Variants in DCP1B observed in about 807,000 individuals in gnomAD.
DCP1B encodes decapping mRNA 1B.
Under a neutral mutation model 60.5 loss-of-function variants are expected in DCP1B, and 47 were observed. The ratio of observed to expected loss-of-function variants is 0.78; its 90% CI spans 0.61 to 0.99. The LOEUF is 0.99. Ranked by LOEUF, DCP1B falls within the 50% of genes least tolerant of loss-of-function variation. DCP1B has a pLI of 0.00. For missense variants in DCP1B, 725 were observed against 756.8 expected, an observed-to-expected ratio of 0.96 and a Z score of 0.49; for synonymous variants, 267 against 280.3, an observed-to-expected ratio of 0.95 and a Z score of 0.47.
chr12:1,975,283 T>G (rs1266430418), intron 3 of DCP1B, among the ~76,000 whole-genome samples: 2 of 152,186 alleles, frequency 1.3e-5, no homozygotes, highest in African/African-American at 4.8e-5. Flanking sequence ...ATAAGGTAAT[T>G]CTAATACAAG....
At chr12:1,993,444 C>T in intron 2 of DCP1B, 53 bp from the exon 3 acceptor site, 1 of 1,582,486 alleles carries the variant, frequency 6.3e-7, no homozygotes, top group Non-Finnish European at 8.6e-7. Context: ...GCTTAGTATG[C>T]TATATTTTCA....
chr12:1,953,310 G>T (rs774742928), intron 6 of DCP1B, 22 bp from the exon 7 acceptor site: 2 of 1,540,096 alleles, frequency 1.3e-6, no homozygotes, highest in Non-Finnish European at 1.7e-6. Context: ...AAAGATATCT[G>T]ACATGAGTCT....
At position 1,994,669 on chromosome 12, in the gene DCP1B, G is replaced by A. The variant is rs528361552; in HGVS notation, c.192-1278C>T. On this transcript the variant is annotated intron_variant, in intron 2 of 8. Transcript: ENST00000280665. ...CTCTCTATTACAGAAAGGAAGGCAT[G>A]GGAGGAAATAAATGATTTTTTAAAT... 4.1e-4 allele frequency among the ~76,000 whole-genome samples: 62 copies of A among 152,286 alleles called. 1 individual carries two copies. Among genetic ancestry groups the A allele is most frequent in the Admixed American group, 2.9e-3 (44 of 15,298 alleles).
chr12:1,975,025 C>T (rs1169715151), intron 3 of DCP1B, among the ~76,000 whole-genome samples: 1 of 152,110 alleles, frequency 6.6e-6, no homozygotes. Context: ...AATAGCCTAA[C>T]TATAAAACAC....
At chr12:1,954,702 C>G (rs1475511420) in intron 6 of DCP1B, among the ~76,000 whole-genome samples, 2 of 152,186 alleles carry the variant, frequency 1.3e-5, no homozygotes, top group East Asian at 1.9e-4. Context: ...AGCTCTGCAT[C>G]TGGCACAGAG....
Position 1,955,490 on chromosome 12 carries a change from T to C in DCP1B, c.593A>G (p.Lys198Arg). 6.2e-7 allele frequency: 1 copy of C among 1,614,044 alleles called. No homozygotes were observed. Among genetic ancestry groups the C allele is most frequent in the Non-Finnish European group, 8.5e-7 (1 of 1,179,902 alleles). ...SAIYDNPNLI[K>R]PIPVKPSENQ... ...TTCACTGGGTTTCACTGGAATTGGT[T>C]TGATGAGATTTGGATTGTCATAGAT... The change falls in exon 6 of 9, where the codon AAA becomes AGA. Residue 198 changes from lysine (K) to arginine (R), a missense_variant. Transcript: ENST00000280665.
At chr12:1,976,012 T>C (rs1432871046) in intron 3 of DCP1B, among the ~76,000 whole-genome samples, 4 of 152,126 alleles carry the variant, frequency 2.6e-5, no homozygotes, top group Admixed American at 6.6e-5. Flanking sequence ...CACAGAAAAA[T>C]AGAAATACGA....
At chr12:1,998,223 CA>C (rs770926102) in intron 1 of DCP1B, among the ~76,000 whole-genome samples, 2 of 152,170 alleles carry the variant, frequency 1.3e-5, no homozygotes, top group Non-Finnish European at 2.9e-5. Context: ...CTCTCTTTAC[CA>C]AATACAGGGA....
chr12:1,958,874 A>G, intron 5 of DCP1B, among the ~76,000 whole-genome samples: 1 of 75,034 alleles, frequency 1.3e-5, no homozygotes. Flanking sequence ...CTTTTTCTAT[A>G]AACCTCCTGG....
At chr12:1,967,188 G>C (rs1423538430) in intron 4 of DCP1B, among the ~76,000 whole-genome samples, 1 of 152,234 alleles carries the variant, frequency 6.6e-6, no homozygotes, top group African/African-American at 2.4e-5. Flanking sequence ...GAAGCCAAGA[G>C]TGGGAAAGTC....
At chr12:1,986,401 G>C (rs2037800498) in intron 3 of DCP1B, among the ~76,000 whole-genome samples, 1 of 152,138 alleles carries the variant, frequency 6.6e-6, no homozygotes, top group Non-Finnish European at 1.5e-5. Context: ...CAGGGTTTTA[G>C]ACTCTCACAC....
chr12:1,955,379 T>C, intron 6 of DCP1B, 53 bp downstream of exon 6: 1 of 1,563,822 alleles, frequency 6.4e-7, no homozygotes, highest in Non-Finnish European at 8.7e-7. Flanking sequence ...TGGGTCAAAG[T>C]TCTTTAAGAA....
At chr12:1,966,438 T>C (rs949994445) in intron 4 of DCP1B, among the ~76,000 whole-genome samples, 4 of 152,258 alleles carry the variant, frequency 2.6e-5, no homozygotes, top group African/African-American at 4.8e-5. Flanking sequence ...TTTCCCTTTA[T>C]GTGCTGTAAC....
chr12:1,978,287 T>C (rs1463352817), intron 3 of DCP1B, among the ~76,000 whole-genome samples: 2 of 152,228 alleles, frequency 1.3e-5, no homozygotes, highest in African/African-American at 2.4e-5. Flanking sequence ...TTTGGTATTA[T>C]GTTGGTTTAA....
At chr12:1,991,390 A>G (rs1593212163) in intron 3 of DCP1B, 1 of 282,342 alleles carries the variant, frequency 3.5e-6, no homozygotes, top group East Asian at 8.6e-5. Flanking sequence ...TTCAATAGAA[A>G]TATGAGGGGA....
intron 3 of DCP1B, among the ~76,000 whole-genome samples, chr12:1,976,673 A>G (rs1455520117): frequency 6.6e-6 from 1 of 152,122 alleles, no homozygotes; most frequent in Non-Finnish European, 1.5e-5. Context: ...AGTTACTTTA[A>G]ATATTAGTTT....
chr12:1,996,627 AAAAAAAAAAAAAAAAAAAAAAAAAAAAAC>A (rs2040875626), intron 2 of DCP1B, among the ~76,000 whole-genome samples: 1 of 59,716 alleles, frequency 1.7e-5, no homozygotes, highest in Non-Finnish European at 3.1e-5. Context: ...AAAAAAAAAA[AAAAAAAAAAAAAAAAAAAAAAAAAAAAAC>A]AACAAACTCT....
intron 3 of DCP1B, among the ~76,000 whole-genome samples, chr12:1,968,253 G>C (rs2031450567): frequency 6.6e-6 from 1 of 151,764 alleles, no homozygotes; most frequent in South Asian, 2.1e-4. Flanking sequence ...TCGGGATGCA[G>C]AGGCAGGAGA....
In DCP1B at chr12:1,952,567, A is replaced by G. The variant is rs568091516; in HGVS notation, c.1373T>C (p.Ile458Thr). ...SPQELLKKLQ[I>T]VQQEQQLHAS... The stretch of plus-strand genomic sequence containing the variant: ...ATGCAGCTGCTGCTCCTGCTGTACA[A>G]TCTGAAGCTTCTTCAGTAACTCTTG... Residue 458 changes from isoleucine to threonine, a missense_variant, in exon 7 of 9, where the codon ATT becomes ACT. By Grantham distance (89) the Ile-to-Thr change is moderately conservative. Transcript: ENST00000280665. 7 of 1,614,134 alleles carry G rather than the reference A, an allele frequency of 4.3e-6. No individual in the cohort carries two copies. In the Admixed American group the frequency reaches 1.0e-4, roughly 23 times the overall value.
Sources: gnomAD v4.1 joint callset for allele counts (sites outside exome capture counted in the v4.1 genomes callset) on GRCh38, gnomAD v4.1.1 for gene constraint, MANE v1.5 for transcripts, NCBI Gene and HGNC (gene_info 2026-07-23, HGNC 2026-07-21) for gene names.